Variants in CELF5 observed in about 807,000 individuals in gnomAD.
CELF5 encodes CUG-BP and ETR-3 like factor 5.
A neutral mutation model predicts 54.9 loss-of-function variants in CELF5; 6 were observed. The observed-to-expected ratio is 0.11, with a 90% CI of 0.06 to 0.22. The LOEUF is 0.22. CELF5 is among the 10% of genes least tolerant of loss of function. The pLI, the probability that CELF5 is intolerant of heterozygous loss-of-function variation, is 1.00. For synonymous variants in CELF5, 271 were observed against 290.9 expected, an observed-to-expected ratio of 0.93 and a Z score of 0.70; for missense variants, 401 against 678.6, an observed-to-expected ratio of 0.59 and a Z score of 4.54.
intron 10 of CELF5, among the ~76,000 whole-genome samples, chr19:3,289,717 T>TAAAAA (rs2080311965): frequency 1.2e-5 from 1 of 84,748 alleles, no homozygotes. Context: ...AAAAAAAAAT[T>TAAAAA]AGCAACGCAT....
Position 3,293,416 on chromosome 19 carries a change from G to A in CELF5, c.1428G>A (p.Lys476=), listed in dbSNP as rs1228836892. The change falls in exon 12 of 13, where the codon AAG becomes AAA. Residue 476 remains lysine (K), a synonymous_variant. Transcript: ENST00000292672. ...TGAAGAGGCTCAAAGTCCAGCTGAA[G>A]CGGCCCAAAGACCCGGGACACCCCT... is the stretch of plus-strand genomic sequence containing the variant. ...IGMKRLKVQL[K]RPKDPGHPY 4 of 1,614,012 alleles carry A rather than the reference G, an allele frequency of 2.5e-6. No individual in the cohort carries two copies. Among genetic ancestry groups the A allele is most frequent in the African/African-American group, 1.3e-5 (1 of 74,932 alleles).
At chr19:3,290,882 G>A (rs1425710048) in intron 11 of CELF5, among the ~76,000 whole-genome samples, 1 of 151,720 alleles carries the variant, frequency 6.6e-6, no homozygotes, top group Non-Finnish European at 1.5e-5. Flanking sequence ...AGCACTTTGA[G>A]AGGCTGAGGT....
intron 2 of CELF5, among the ~76,000 whole-genome samples, chr19:3,254,575 A>G (rs2079695276): frequency 6.7e-6 from 1 of 149,418 alleles, no homozygotes; most frequent in Non-Finnish European, 1.5e-5. Context: ...CCACCCATCA[A>G]TTCATCCATC....
Position 3,282,663 on chromosome 19 carries a change from C to T in CELF5, c.1039+165C>T, listed in dbSNP as rs557653691. 1.7e-4 allele frequency among the ~76,000 whole-genome samples: 26 copies of T among 152,200 alleles called. 1 individual carries two copies. Among genetic ancestry groups the T allele is most frequent in the Non-Finnish European group, 2.9e-4 (20 of 68,014 alleles). ...GAGCTGTGGACACAGGAAGGGAGGC[C>T]GTGGCAGGGTAATAACACATTAAAA... On this transcript the variant is annotated intron_variant, in intron 8 of 12. Coordinates refer to ENST00000292672, the MANE Select transcript of CELF5 (RefSeq NM_021938.4). This position sits in a 1 kb window ranked among gnomAD's most constrained non-coding sequence, Gnocchi z 5.2.
Position 3,281,494 on chromosome 19 carries a change from G to T in CELF5, c.750+149G>T, listed in dbSNP as rs545483747. ...AACCCCAACTCCAAATTGAGACCAAGCTCAGACCGAGCCCCTAAATCCAGA... is the reference window on the plus strand; with the variant it reads ...AACCCCAACTCCAAATTGAGACCAATCTCAGACCGAGCCCCTAAATCCAGA... On this transcript the variant is annotated intron_variant, in intron 6 of 12. Transcript: ENST00000292672. The surrounding 1 kb of genome is among the most constrained non-coding windows in gnomAD (Gnocchi z 6.5). The T allele has an allele frequency of 1.6e-4, 138 of 836,808 alleles. No individual in the cohort carries two copies. Among genetic ancestry groups the T allele is most frequent in the South Asian group, 1.6e-3 (92 of 56,562 alleles). 51.8% of individuals were successfully genotyped at this position (836,808 alleles called of 1,614,324 possible). A position where few individuals can be genotyped will look rare whatever the true frequency, so the allele number is the denominator to read the frequency against.
Position 3,278,788 on chromosome 19 carries a change from G to A in CELF5, c.603+678G>A, listed in dbSNP as rs1464491308. ...TATATGCAGGTCTGTGTGAGTATAG[G>A]TTGTGAGTGGGTGAGTGTGTATGTG... On this transcript the variant is annotated intron_variant, in intron 5 of 12. Coordinates refer to ENST00000292672, the MANE Select transcript of CELF5 (RefSeq NM_021938.4). This position sits in a 1 kb window ranked among gnomAD's most constrained non-coding sequence, Gnocchi z 4.5. Among the ~76,000 whole-genome samples, 1 of 151,810 alleles carries A rather than the reference G, an allele frequency of 6.6e-6. No homozygotes were observed. Among genetic ancestry groups the A allele is most frequent in the African/African-American group, 2.4e-5 (1 of 41,284 alleles).
chr19:3,272,374 A>G (rs1406132386), intron 2 of CELF5, among the ~76,000 whole-genome samples: 1 of 152,068 alleles, frequency 6.6e-6, no homozygotes, highest in Non-Finnish European at 1.5e-5. Flanking sequence ...TCCCAAGAAA[A>G]AAAAAGAAAA....
At chr19:3,284,416 C>T (rs969009282) in intron 8 of CELF5, among the ~76,000 whole-genome samples, 1 of 152,156 alleles carries the variant, frequency 6.6e-6, no homozygotes, top group African/African-American at 2.4e-5. Flanking sequence ...GTGGCCTGGA[C>T]AACTTCTTCC....
intron 2 of CELF5, among the ~76,000 whole-genome samples, chr19:3,251,309 C>A (rs2079643989): frequency 6.6e-6 from 1 of 152,168 alleles, no homozygotes. Context: ...TTGTATACTG[C>A]ACAAGGGCAC....
chr19:3,260,391 C>T (rs916821003), intron 2 of CELF5, among the ~76,000 whole-genome samples: 3 of 152,300 alleles, frequency 2.0e-5, no homozygotes, highest in African/African-American at 7.2e-5. Flanking sequence ...CTGCCTCAGC[C>T]TCCCAAAATG....
At chr19:3,227,255 G>A (rs758639257) in intron 1 of CELF5, among the ~76,000 whole-genome samples, 1 of 152,170 alleles carries the variant, frequency 6.6e-6, no homozygotes, top group Non-Finnish European at 1.5e-5. Flanking sequence ...TGCGTTTGGG[G>A]CTCAGCTGTG....
At chr19:3,248,901 CCTTCCTTTCTTTCTTT>C (rs2079607137) in intron 1 of CELF5, among the ~76,000 whole-genome samples, 2 of 104,202 alleles carry the variant, frequency 1.9e-5, no homozygotes, top group Admixed American at 1.2e-4. Context: ...TTCCTTCCTT[CCTTCCTTTCTTTCTTT>C]CTTTCTTTCT....
chr19:3,257,632 T>C lies in CELF5; in HGVS notation c.342+6565T>C, dbSNP rs542835617. ...CTGGGATTACAGGCATGCACCACCA[T>C]GCCCGGCTAATTTTTGTATTTTTAG... is the stretch of plus-strand genomic sequence containing the variant. On this transcript the variant is annotated intron_variant, in intron 2 of 12. Transcript: ENST00000292672. Among the ~76,000 whole-genome samples, 9 of 151,110 alleles carry C rather than the reference T, an allele frequency of 6.0e-5. 1 individual carries two copies. The South Asian group carries it at 1.5e-3, about 25-fold the overall frequency.
chr19:3,281,495 C>T lies in CELF5; in HGVS notation c.750+150C>T, dbSNP rs1377594558. 1.2e-6 allele frequency: 1 copy of T among 831,408 alleles called. No homozygotes were observed. Among genetic ancestry groups the T allele is most frequent in the Non-Finnish European group, 1.9e-6 (1 of 539,444 alleles). 51.5% of individuals were successfully genotyped at this position (831,408 alleles called of 1,614,324 possible). A position where few individuals can be genotyped will look rare whatever the true frequency, so the allele number is the denominator to read the frequency against. On this transcript the variant is annotated intron_variant, in intron 6 of 12. Coordinates refer to ENST00000292672, the MANE Select transcript of CELF5 (RefSeq NM_021938.4). The surrounding 1 kb of genome is among the most constrained non-coding windows in gnomAD (Gnocchi z 6.5). ...ACCCCAACTCCAAATTGAGACCAAG[C>T]TCAGACCGAGCCCCTAAATCCAGAA...
intron 1 of CELF5, among the ~76,000 whole-genome samples, chr19:3,231,910 T>C (rs1245728404): frequency 6.7e-6 from 1 of 150,282 alleles, no homozygotes; most frequent in East Asian, 2.0e-4. Flanking sequence ...GATGGAGAAA[T>C]TAATGGTTGG....
At chr19:3,246,068 A>C (rs532461466) in intron 1 of CELF5, among the ~76,000 whole-genome samples, 1 of 152,328 alleles carries the variant, frequency 6.6e-6, no homozygotes, top group Non-Finnish European at 1.5e-5. Context: ...TTTTGCATTA[A>C]AATATACGGA....
chr19:3,248,853 T>TCTTCCTTCCTTCCTTC lies in CELF5; in HGVS notation c.260-2092_260-2077dup, dbSNP rs56977899. On this transcript the variant is annotated intron_variant, in intron 1 of 12. Transcript: ENST00000292672. ...CCTACTACAAACTTTTTTCTTTCTT[T>TCTTCCTTCCTTCCTTC]CTTCCTTCCTTCCTTCCTTCCTTCC... Among the ~76,000 whole-genome samples the TCTTCCTTCCTTCCTTC allele has an allele frequency of 4.0e-3, 481 of 118,892 alleles. 2 individuals are homozygous for TCTTCCTTCCTTCCTTC. Among genetic ancestry groups the TCTTCCTTCCTTCCTTC allele is most frequent in the Middle Eastern group, 0.013 (3 of 236 alleles). 78.0% of individuals were successfully genotyped at this position (118,892 alleles called of 152,430 possible).
intron 2 of CELF5, among the ~76,000 whole-genome samples, chr19:3,263,571 GAAAC>G (rs35898846): frequency 2.0e-5 from 3 of 148,778 alleles, no homozygotes; most frequent in African/African-American, 4.9e-5. Context: ...TAGAAACAAA[GAAAC>G]AAACAAACAA....
At chr19:3,237,801 G>A (rs2079436818) in intron 1 of CELF5, among the ~76,000 whole-genome samples, 1 of 152,150 alleles carries the variant, frequency 6.6e-6, no homozygotes, top group Non-Finnish European at 1.5e-5. Flanking sequence ...TGTAATCCCA[G>A]CACTTTGGGA....
Sources: gnomAD v4.1 joint callset for allele counts (sites outside exome capture counted in the v4.1 genomes callset) on GRCh38, gnomAD v4.1.1 for gene constraint, Gnocchi (gnomAD v3.1) non-coding constraint, MANE v1.5 for transcripts, NCBI Gene and HGNC (gene_info 2026-07-23, HGNC 2026-07-21) for gene names.